Variants in HK1 observed in about 807,000 individuals in gnomAD.
HK1 encodes hexokinase-1.
In HK1, 28 loss-of-function variants were observed where a neutral mutation model predicts 91.6. That is an observed-to-expected ratio of 0.31 (90% CI 0.23 to 0.42). The LOEUF (loss-of-function observed/expected upper bound fraction) is 0.42. Ranked by LOEUF, HK1 falls within the 10% of genes least tolerant of loss-of-function variation. HK1 has a pLI of 1.00. For missense variants in HK1, 770 were observed against 1,219.8 expected, an observed-to-expected ratio of 0.63 and a Z score of 5.49; for synonymous variants, 430 against 468.1, an observed-to-expected ratio of 0.92 and a Z score of 1.05.
In HK1 at chr10:69,386,435, T is replaced by G; in HGVS notation, c.1935+17T>G. 1 of 1,579,930 alleles carries G rather than the reference T, an allele frequency of 6.3e-7. No individual in the cohort carries two copies. The highest frequency in any genetic ancestry group is 1.3e-5 in the African/African-American group (1 of 74,368). ...AGGAGAGAGGTAACTATTAAAAGAA[T>G]GTTTTTTAAAATCTTTACTGTTTTA... On this transcript the variant is annotated intron_variant, in intron 13 of 17. Coordinates refer to ENST00000359426, the MANE Select transcript of HK1 (RefSeq NM_000188.3).
In HK1 at chr10:69,389,380, G is replaced by A. The variant is rs898714870; in HGVS notation, c.2035+84G>A. The A allele has an allele frequency of 5.7e-6, 5 of 884,532 alleles. No individual in the cohort carries two copies. In the Admixed American group the frequency reaches 6.3e-5, roughly 11 times the overall value. The allele number at this position is 884,532 out of a possible 1,614,324, so 54.8% of individuals were successfully genotyped here. ...TGTGGGGCCTTGGCCCAGCAGCTTGGTCCTCTGTATGGGGTAGTCTTATCT... is the reference window on the plus strand; with the variant it reads ...TGTGGGGCCTTGGCCCAGCAGCTTGATCCTCTGTATGGGGTAGTCTTATCT... On this transcript the variant is annotated intron_variant, in intron 14 of 17. Transcript: ENST00000359426.
chr10:69,344,638 G>A (rs1589516029), intron 2 of HK1, among the ~76,000 whole-genome samples: 2 of 152,364 alleles, frequency 1.3e-5, no homozygotes, highest in East Asian at 3.9e-4. Context: ...GGGCGTTGGG[G>A]GAGGGCCCCC....
intron 1 of HK1, among the ~76,000 whole-genome samples, chr10:69,341,350 G>A (rs976890317): frequency 1.3e-5 from 2 of 151,578 alleles, no homozygotes; most frequent in African/African-American, 2.4e-5. Context: ...TTTTAGAGAC[G>A]AGGTTTTGCC....
intron 1 of HK1, among the ~76,000 whole-genome samples, chr10:69,335,158 G>A (rs1847915327): frequency 6.6e-6 from 1 of 152,086 alleles, no homozygotes; most frequent in African/African-American, 2.4e-5. Flanking sequence ...CTAGGTTCCC[G>A]GCTGCCACCC....
chr10:69,323,915 A>C (rs192999074), intron 1 of HK1, among the ~76,000 whole-genome samples: 46 of 152,338 alleles, frequency 3.0e-4, no homozygotes, highest in African/African-American at 1.1e-3. Flanking sequence ...AGATTTAGCC[A>C]CTGGAATCAC....
chr10:69,307,219 G>C (rs1348656404), intron 5 of HK1, among the ~76,000 whole-genome samples: 1 of 152,102 alleles, frequency 6.6e-6, no homozygotes, highest in Non-Finnish European at 1.5e-5. Context: ...AGAAAACAGC[G>C]AGAGAGGAGA....
chr10:69,303,368 C>G (rs1435606610), intron 5 of HK1, among the ~76,000 whole-genome samples: 1 of 152,102 alleles, frequency 6.6e-6, no homozygotes, highest in Non-Finnish European at 1.5e-5. Context: ...GTTCACTTTG[C>G]CCACTGCCTA....
At chr10:69,381,014 T>C (rs1017763944) in intron 9 of HK1, among the ~76,000 whole-genome samples, 1 of 152,154 alleles carries the variant, frequency 6.6e-6, no homozygotes, top group Non-Finnish European at 1.5e-5. Context: ...TCAATTGAAA[T>C]AGTTCTGGCC....
intron 2 of HK1, chr10:69,282,736 G>T (rs1844807551): frequency 6.6e-6 from 1 of 152,138 alleles, no homozygotes; most frequent in African/African-American, 2.4e-5. Flanking sequence ...CAACTAGGGG[G>T]TTGCCTGGGC....
chr10:69,338,377 C>T, intron 1 of HK1: 1 of 1,192,436 alleles, frequency 8.4e-7, no homozygotes, highest in East Asian at 5.9e-5. Context: ...TTCCCATTTC[C>T]ATCCCAGCCT....
intron 16 of HK1, among the ~76,000 whole-genome samples, chr10:69,397,959 A>G (rs1357843473): frequency 1.3e-5 from 2 of 152,258 alleles, no homozygotes; most frequent in African/African-American, 4.8e-5. Context: ...TCCAGTGAGG[A>G]TAAGTGTGGC....
chr10:69,300,476 C>G lies in HK1; in HGVS notation c.-66-293C>G. On this transcript the variant is annotated intron_variant, in intron 4 of 21. Transcript: ENST00000360289. ...TTCCTTCCTGTGTGTTTTCGTCTTG[C>G]TTCTTTATGGTCCATGATGCCAGCT... The G allele has an allele frequency of 2.4e-6, 2 of 839,314 alleles. 1 individual carries two copies. Among genetic ancestry groups the G allele is most frequent in the South Asian group, 2.8e-5 (2 of 70,626 alleles). 52.0% of individuals were successfully genotyped at this position (839,314 alleles called of 1,614,324 possible). A position where few individuals can be genotyped will look rare whatever the true frequency, so the allele number is the denominator to read the frequency against.
intron 8 of HK1, 51 bp downstream of exon 8, chr10:69,377,140 C>CA (rs1207842507): frequency 1.9e-6 from 3 of 1,603,504 alleles, no homozygotes; most frequent in African/African-American, 1.3e-5. Context: ...CAGAGAAGAG[C>CA]AATTGGTCCC....
At chr10:69,376,887 G>A (rs1292399618) in intron 7 of HK1, 47 bp from the exon 8 acceptor site, 3 of 1,609,574 alleles carry the variant, frequency 1.9e-6, no homozygotes, top group Non-Finnish European at 2.6e-6. Context: ...CCTCGTGTGT[G>A]GGGCGCAGAG....
chr10:69,377,101 C>T lies in HK1; in HGVS notation c.1031+12C>T, dbSNP rs755392123. The stretch of plus-strand genomic sequence containing the variant: ...TCAGCCATCGAAAAGTAGGTACCAT[C>T]CCCTCAAGGCTTTCTTGGGGTGTTG... On this transcript the variant is annotated intron_variant, in intron 8 of 17. Coordinates refer to ENST00000359426, the MANE Select transcript of HK1 (RefSeq NM_000188.3). The T allele has an allele frequency of 5.0e-6, 8 of 1,613,912 alleles. No homozygotes were observed. The South Asian group carries it at 8.8e-5, about 18-fold the overall frequency.
intron 1 of HK1, among the ~76,000 whole-genome samples, chr10:69,276,447 T>C (rs1025316781): frequency 1.3e-5 from 2 of 151,344 alleles, no homozygotes; most frequent in Non-Finnish European, 2.9e-5. Flanking sequence ...TCACCTGAGG[T>C]TGTGAGTTTG....
chr10:69,305,829 G>A (rs1319294235), intron 5 of HK1, among the ~76,000 whole-genome samples: 1 of 150,432 alleles, frequency 6.6e-6, no homozygotes, highest in Non-Finnish European at 1.5e-5. Context: ...CTCCAGCCTG[G>A]GCGACAGAGT....
At position 69,323,402 on chromosome 10, in the gene HK1, T is replaced by C. The variant is rs533138239; in HGVS notation, c.63+4392T>C. 2.6e-5 allele frequency among the ~76,000 whole-genome samples: 4 copies of C among 151,322 alleles called. No homozygotes were observed. The South Asian group carries it at 8.3e-4, about 32-fold the overall frequency. On this transcript the variant is annotated intron_variant, in intron 1 of 17. Transcript: ENST00000359426. ...TGCTTTGGTGGCATGCACACACCTG[T>C]AGTCACAGCTACTCAGGAGGCTCAT...
chr10:69,280,538 A>G (rs1308657771), intron 1 of HK1, among the ~76,000 whole-genome samples: 1 of 152,206 alleles, frequency 6.6e-6, no homozygotes, highest in East Asian at 1.9e-4. Context: ...CGATATGATA[A>G]TATTAGAAGG....
Sources: gnomAD v4.1 joint callset for allele counts (sites outside exome capture counted in the v4.1 genomes callset) on GRCh38, gnomAD v4.1.1 for gene constraint, MANE v1.5 for transcripts, NCBI Gene and HGNC (gene_info 2026-07-23, HGNC 2026-07-21) for gene names.